The following DLG2 variants were observed in gnomAD, a reference collection of about 807,000 sequenced individuals.
DLG2 encodes discs large MAGUK scaffold protein 2.
DLG2 carries 45 observed loss-of-function variants against 132.5 expected under a neutral mutation model. That is an observed-to-expected ratio of 0.34 (90% CI 0.27 to 0.44). The LOEUF is 0.44. Among genes scored for constraint, DLG2 ranks in the 20% least tolerant of loss-of-function variants. The pLI, the probability that DLG2 is intolerant of heterozygous loss-of-function variation, is 1.00. For missense variants in DLG2, 1,045 were observed against 1,196.9 expected (o/e 0.87, Z 1.87); for synonymous variants, 424 against 419.6 (o/e 1.01, Z -0.13).
intron 6 of DLG2, among the ~76,000 whole-genome samples, chr11:84,536,286 C>T (rs1023261937): frequency 3.9e-5 from 6 of 152,124 alleles, no homozygotes; most frequent in Admixed American, 6.5e-5. Context: ...CCTTAACTGA[C>T]GGGCATAAGC....
intron 7 of DLG2, among the ~76,000 whole-genome samples, chr11:84,398,722 C>T (rs1271546500): frequency 6.6e-6 from 1 of 151,954 alleles, no homozygotes; most frequent in African/African-American, 2.4e-5. Flanking sequence ...ATAAACCATT[C>T]AGTGAAAAAA....
At chr11:84,786,959 G>A (rs2073007607) in intron 6 of DLG2, among the ~76,000 whole-genome samples, 1 of 152,098 alleles carries the variant, frequency 6.6e-6, no homozygotes, top group East Asian at 1.9e-4. Flanking sequence ...AATGGCTTTG[G>A]TGGGAAGAAA....
chr11:85,259,416 A>G (rs577191975), intron 4 of DLG2, among the ~76,000 whole-genome samples: 1 of 152,152 alleles, frequency 6.6e-6, no homozygotes, highest in East Asian at 1.9e-4. Flanking sequence ...TTTATAAATT[A>G]CCCAGTCTCA....
At chr11:84,456,879 T>C (rs749904178) in intron 7 of DLG2, among the ~76,000 whole-genome samples, 6 of 151,208 alleles carry the variant, frequency 4.0e-5, no homozygotes, top group African/African-American at 7.3e-5. Context: ...TTGGAAGTGG[T>C]AAAAGGAAGT....
At chr11:85,397,114 G>T (rs938413624) in intron 3 of DLG2, among the ~76,000 whole-genome samples, 1 of 152,032 alleles carries the variant, frequency 6.6e-6, no homozygotes, top group South Asian at 2.1e-4. Context: ...AGAGAGCAGG[G>T]GCCAATATTC....
At chr11:83,692,844 G>T (rs1055133436) in intron 18 of DLG2, 3 of 152,156 alleles carry the variant, frequency 2.0e-5, no homozygotes, top group African/African-American at 7.2e-5. Context: ...CCAAGGGAAT[G>T]TGAGTTCTGG....
At chr11:84,626,639 T>C (rs1313117618) in intron 6 of DLG2, among the ~76,000 whole-genome samples, 1 of 152,144 alleles carries the variant, frequency 6.6e-6, no homozygotes, top group Non-Finnish European at 1.5e-5. Flanking sequence ...AAGGCACTGC[T>C]TATAAAATCA....
At chr11:83,723,655 G>C (rs1277209004) in intron 18 of DLG2, among the ~76,000 whole-genome samples, 1 of 152,140 alleles carries the variant, frequency 6.6e-6, no homozygotes, top group Non-Finnish European at 1.5e-5. Context: ...AGGAGTTTGA[G>C]ACCAGCCTGG....
chr11:85,482,503 CT>C (rs2093321953), intron 3 of DLG2, among the ~76,000 whole-genome samples: 1 of 152,322 alleles, frequency 6.6e-6, no homozygotes, highest in East Asian at 1.9e-4. Context: ...AGGACCACCT[CT>C]GTGTACCTAC....
intron 9 of DLG2, among the ~76,000 whole-genome samples, chr11:84,116,058 T>G (rs2093618906): frequency 6.6e-6 from 1 of 152,218 alleles, no homozygotes; most frequent in South Asian, 2.1e-4. Flanking sequence ...ATTCCTGCTA[T>G]GAGCTCAATA....
intron 21 of DLG2, among the ~76,000 whole-genome samples, chr11:83,487,015 T>A (rs1201470140): frequency 6.6e-6 from 1 of 151,690 alleles, no homozygotes; most frequent in South Asian, 2.1e-4. Context: ...GAAAATCTGT[T>A]ACACGAGTGC....
chr11:83,908,606 C>T (rs1032566484), intron 15 of DLG2, among the ~76,000 whole-genome samples: 3 of 152,124 alleles, frequency 2.0e-5, no homozygotes, highest in African/African-American at 7.2e-5. Context: ...TTTTTATCTT[C>T]CCACAATTGT....
intron 6 of DLG2, among the ~76,000 whole-genome samples, chr11:84,711,976 A>G (rs1255638267): frequency 1.3e-5 from 2 of 152,196 alleles, no homozygotes; most frequent in East Asian, 3.9e-4. Flanking sequence ...AAATCCCTAC[A>G]GTTTACACGG....
At chr11:83,540,507 G>A (rs868321274) in intron 20 of DLG2, among the ~76,000 whole-genome samples, 1 of 152,110 alleles carries the variant, frequency 6.6e-6, no homozygotes, top group Non-Finnish European at 1.5e-5. Context: ...CTGGCTAAAG[G>A]TAAGAGAACA....
intron 14 of DLG2, among the ~76,000 whole-genome samples, chr11:83,939,597 C>T (rs1035263131): frequency 1.3e-5 from 2 of 152,170 alleles, no homozygotes; most frequent in African/African-American, 4.8e-5. Flanking sequence ...AATAAATACT[C>T]TACCTCTAAA....
intron 3 of DLG2, among the ~76,000 whole-genome samples, chr11:85,426,095 C>T (rs190808418): frequency 1.3e-5 from 2 of 152,206 alleles, no homozygotes; most frequent in East Asian, 1.9e-4. Context: ...GAGGGAGGGG[C>T]GCCCGCCATT....
chr11:84,486,059 T>G lies in DLG2; in HGVS notation c.519+48511A>C, dbSNP rs2099149993. ...TCGATCTGGGAGAGACACATATGCC[T>G]TTTTCCACAATCTATTGGTCAGAAC... On this transcript the variant is annotated intron_variant, in intron 7 of 27. Coordinates refer to ENST00000376104, the MANE Select transcript of DLG2 (RefSeq NM_001142699.3). 1.3e-5 allele frequency among the ~76,000 whole-genome samples: 2 copies of G among 152,258 alleles called. 1 individual carries two copies. Among genetic ancestry groups the G allele is most frequent in the South Asian group, 4.1e-4 (2 of 4,828 alleles).
chr11:83,540,535 C>A (rs1400877245), intron 20 of DLG2, among the ~76,000 whole-genome samples: 1 of 152,062 alleles, frequency 6.6e-6, no homozygotes. Flanking sequence ...ACCAGTGAGC[C>A]CTCTGCTTTC....
At chr11:84,660,450 A>T (rs917530402) in intron 6 of DLG2, among the ~76,000 whole-genome samples, 2 of 152,118 alleles carry the variant, frequency 1.3e-5, no homozygotes, top group Non-Finnish European at 2.9e-5. Flanking sequence ...TATCTGCATC[A>T]CCATAATGGT....
Sources: gnomAD v4.1 joint callset for allele counts (sites outside exome capture counted in the v4.1 genomes callset) on GRCh38, gnomAD v4.1.1 for gene constraint, MANE v1.5 for transcripts, NCBI Gene and HGNC (gene_info 2026-07-23, HGNC 2026-07-21) for gene names.